SLCO1C1: variants seen among roughly 807,000 people sequenced by gnomAD.
SLCO1C1 encodes OAT-RP-5.
SLCO1C1 carries 70 observed loss-of-function variants against 76.4 expected under a neutral mutation model. The ratio of observed to expected loss-of-function variants is 0.92; its 90% confidence interval spans 0.76 to 1.12. The LOEUF (loss-of-function observed/expected upper bound fraction) is 1.12, where lower values mean the gene tolerates loss of function less well. Among genes scored for constraint, SLCO1C1 ranks in the 50% most tolerant of loss-of-function variants. SLCO1C1 has a pLI of 0.00. For synonymous variants in SLCO1C1, 306 were observed against 286.1 expected (o/e 1.07, Z -0.70); for missense variants, 912 against 823.8 (o/e 1.11, Z -1.31).
In SLCO1C1 at chr12:20,732,957, T is replaced by G; in HGVS notation, c.1235T>G (p.Ile412Arg). Residue 412 changes from isoleucine to arginine, a missense_variant, in exon 10 of 15, where the codon ATA (isoleucine) becomes AGA (arginine). Physicochemically the swap from Ile to Arg is moderately conservative, Grantham distance 97. Transcript: ENST00000266509. ...GCCCTTGGAATATTCTCTGGGGGGA[T>G]AGTTATGAAAAAATTCAGAATCAGT... Reference protein sequence around the residue: ...AVALGIFSGGIVMKKFRISVC... With the variant: ...AVALGIFSGGRVMKKFRISVC... The G allele has an allele frequency of 1.2e-6, 2 of 1,614,030 alleles. No individual in the cohort carries two copies. The highest frequency in any genetic ancestry group is 1.7e-6 in the Non-Finnish European group (2 of 1,179,970).
chr12:20,696,133 G>C (rs3751218), intron 1 of SLCO1C1, among the ~76,000 whole-genome samples: 1 of 151,910 alleles, frequency 6.6e-6, no homozygotes, highest in Non-Finnish European at 1.5e-5. Flanking sequence ...GAAAAAGTAC[G>C]TACATTACTC....
At chr12:20,721,172 A>G (rs1947650780) in intron 7 of SLCO1C1, among the ~76,000 whole-genome samples, 1 of 152,182 alleles carries the variant, frequency 6.6e-6, no homozygotes, top group Non-Finnish European at 1.5e-5. Context: ...AAGCAGTGTC[A>G]GGGCTTGAGA....
intron 3 of SLCO1C1, 27 bp downstream of exon 3, chr12:20,701,486 A>T: frequency 7.0e-7 from 1 of 1,429,696 alleles, no homozygotes. Context: ...CCTGACTTTA[A>T]TTTTAAGCCC....
At chr12:20,732,717 C>T in intron 9 of SLCO1C1, among the ~76,000 whole-genome samples, 192 bp from the exon 10 acceptor site, 1 of 152,080 alleles carries the variant, frequency 6.6e-6, no homozygotes, top group East Asian at 1.9e-4. Context: ...TAGACAGAAC[C>T]TGAGACTGTG....
At chr12:20,730,008 TG>T (rs1278881270) in intron 9 of SLCO1C1, among the ~76,000 whole-genome samples, 1 of 152,080 alleles carries the variant, frequency 6.6e-6, no homozygotes. Context: ...TCTAGGCTGC[TG>T]GGGGTCTGGG....
At position 20,706,073 on chromosome 12, in the gene SLCO1C1, C is replaced by T. The variant is rs2120639788; in HGVS notation, c.396C>T (p.Phe132=). ...TGCTCATTGCAATGCCTCAGTTCTTCATGGAGCAGTAAGTCTAAAGCAATC... is the reference window on the plus strand; with the variant it reads ...TGCTCATTGCAATGCCTCAGTTCTTTATGGAGCAGTAAGTCTAAAGCAATC... ...GTLLIAMPQF[F]MEQYKYERYS... Residue 132 remains phenylalanine, a synonymous_variant, in exon 4 of 15, where the codon TTC becomes TTT. Transcript: ENST00000266509. 1 of 1,611,808 alleles carries T rather than the reference C, an allele frequency of 6.2e-7. No individual in the cohort carries two copies.
intron 14 of SLCO1C1, among the ~76,000 whole-genome samples, 178 bp from the exon 15 acceptor site, chr12:20,752,128 T>G (rs1949334827): frequency 6.6e-6 from 1 of 152,180 alleles, no homozygotes; most frequent in Non-Finnish European, 1.5e-5. Flanking sequence ...TACTAAGACA[T>G]TGCTTTATTT....
rs1203851378 is a variant in SLCO1C1 at position 20,737,093 on chromosome 12, A to T, written c.1383-14A>T. 2 of 1,494,076 alleles carry T rather than the reference A, an allele frequency of 1.3e-6. No individual in the cohort carries two copies. Among genetic ancestry groups the T allele is most frequent in the East Asian group, 5.2e-5 (2 of 38,342 alleles). 92.6% of individuals were successfully genotyped at this position (1,494,076 alleles called of 1,614,324 possible). ...CTAAGAGGTAATATTTTATATTGTT[A>T]TATTTCTTTTCAGAACCAAACCTGT... On this transcript the variant is annotated splice_polypyrimidine_tract_variant and intron_variant, in intron 10 of 14. Coordinates refer to ENST00000266509, the MANE Select transcript of SLCO1C1 (RefSeq NM_017435.5).
At chr12:20,735,028 A>T (rs11045420) in intron 10 of SLCO1C1, among the ~76,000 whole-genome samples, 7,438 of 152,286 alleles carry the variant, frequency 0.049, 490 homozygotes, top group African/African-American at 0.15. Context: ...TATAATTAAA[A>T]TTCTAAATTA....
In SLCO1C1 at chr12:20,699,018, A is replaced by G. The variant is rs777223620; in HGVS notation, c.-25-534A>G. 4.6e-5 allele frequency among the ~76,000 whole-genome samples: 7 copies of G among 152,058 alleles called. No homozygotes were observed. In the East Asian group the frequency reaches 5.8e-4, roughly 13 times the overall value. On this transcript the variant is annotated intron_variant, in intron 1 of 14. Transcript: ENST00000266509. ...CTCCCTTATTTATCAAACAAAAACAATACACAAATTGGACCTCTTCTTTTT... is the reference window on the plus strand; with the variant it reads ...CTCCCTTATTTATCAAACAAAAACAGTACACAAATTGGACCTCTTCTTTTT...
intron 13 of SLCO1C1, among the ~76,000 whole-genome samples, chr12:20,749,600 A>C (rs12227204): frequency 0.021 from 3,228 of 152,342 alleles, 53 homozygotes; most frequent in South Asian, 0.06. Flanking sequence ...ATATACACTG[A>C]GCTATGAACA....
chr12:20,725,845 G>A (rs569325451), intron 9 of SLCO1C1, among the ~76,000 whole-genome samples: 147 of 151,884 alleles, frequency 9.7e-4, no homozygotes, highest in African/African-American at 3.2e-3. Context: ...ATTCTTATGC[G>A]GTATGGTTGT....
At position 20,737,231 on chromosome 12, in the gene SLCO1C1, C is replaced by G; in HGVS notation, c.1507C>G (p.Leu503Val). 6.4e-7 allele frequency: 1 copy of G among 1,567,488 alleles called. No homozygotes were observed. The highest frequency in any genetic ancestry group is 8.6e-7 in the Non-Finnish European group (1 of 1,164,070). The change falls in exon 11 of 15, where the codon CTT becomes GTT. Residue 503 changes from leucine to valine, a missense_variant. Physicochemically the swap from Leu to Val is conservative, Grantham distance 32 (BLOSUM62 1). Coordinates refer to ENST00000266509, the MANE Select transcript of SLCO1C1 (RefSeq NM_017435.5). Reference protein sequence around the residue: ...ENGITYVSACLAGCQTSNRSG... With the variant: ...ENGITYVSACVAGCQTSNRSG... ...TGGAATCACATATGTATCAGCTTGT[C>G]TTGCTGGTTGTCAAACCTCCAACAG...
intron 9 of SLCO1C1, among the ~76,000 whole-genome samples, chr12:20,731,121 A>C (rs1249847106): frequency 1.3e-5 from 2 of 152,162 alleles, no homozygotes; most frequent in African/African-American, 2.4e-5. Flanking sequence ...AAACTCCCCT[A>C]TATTCCTTTG....
intron 7 of SLCO1C1, among the ~76,000 whole-genome samples, chr12:20,720,997 CAAAAAAA>C (rs35297084): frequency 4.5e-5 from 2 of 44,018 alleles, no homozygotes; most frequent in Non-Finnish European, 8.2e-5. Flanking sequence ...AACTCCATCT[CAAAAAAA>C]AAAAAAAAAA....
intron 9 of SLCO1C1, among the ~76,000 whole-genome samples, chr12:20,732,020 G>A (rs189783360): frequency 1.3e-5 from 2 of 152,236 alleles, no homozygotes; most frequent in Admixed American, 6.5e-5. Flanking sequence ...ACTCAGTGGT[G>A]GAACTGAGAT....
chr12:20,716,373 G>T (rs1947361186), intron 6 of SLCO1C1, among the ~76,000 whole-genome samples: 1 of 152,188 alleles, frequency 6.6e-6, no homozygotes, highest in South Asian at 2.1e-4. Flanking sequence ...CTCAGGGCTT[G>T]TTCTCTTTTC....
chr12:20,725,939 A>G (rs1947963376), intron 9 of SLCO1C1, among the ~76,000 whole-genome samples: 1 of 152,064 alleles, frequency 6.6e-6, no homozygotes, highest in South Asian at 2.1e-4. Context: ...AGATAATTCA[A>G]ATACTTTTGT....
chr12:20,751,642 T>TG (rs2120949700), intron 14 of SLCO1C1, among the ~76,000 whole-genome samples: 1 of 152,258 alleles, frequency 6.6e-6, no homozygotes, highest in East Asian at 1.9e-4. Context: ...CTCACATTTT[T>TG]GCTAAGGCTG....
Sources: allele counts gnomAD v4.1 joint callset (sites outside exome capture counted in the v4.1 genomes callset), GRCh38; gene constraint gnomAD v4.1.1; transcripts MANE v1.5; gene names NCBI Gene and HGNC (gene_info 2026-07-23, HGNC 2026-07-21).